The following ADAMTSL1 variants were observed in gnomAD, a reference collection of about 807,000 sequenced individuals.
ADAMTSL1 encodes ADAMTS like 1.
In ADAMTSL1, 126 loss-of-function variants were observed where a neutral mutation model predicts 201.8. That is an observed-to-expected ratio of 0.62 (90% CI 0.54 to 0.72). The LOEUF (loss-of-function observed/expected upper bound fraction) is 0.72. Ranked by LOEUF, ADAMTSL1 falls within the 30% of genes least tolerant of loss-of-function variation. ADAMTSL1 has a pLI of 0.00. For missense variants in ADAMTSL1, 2,679 were observed against 2,277.8 expected (o/e 1.18, Z -3.59); for synonymous variants, 1,121 against 903.4 (o/e 1.24, Z -4.32).
At chr9:17,958,628 T>C (rs1381968277) in intron 1 of ADAMTSL1, among the ~76,000 whole-genome samples, 3 of 152,206 alleles carry the variant, frequency 2.0e-5, no homozygotes, top group African/African-American at 7.2e-5. Flanking sequence ...TGGCATGGTG[T>C]GCTTTGTGTA....
chr9:18,607,290 G>A (rs1253738429), intron 4 of ADAMTSL1, among the ~76,000 whole-genome samples: 2 of 152,100 alleles, frequency 1.3e-5, no homozygotes, highest in Admixed American at 6.6e-5. Flanking sequence ...AAAACAGCCC[G>A]AAGTCTAGGT....
In ADAMTSL1 at chr9:18,775,872, C is replaced by G; in HGVS notation, c.2527C>G (p.Pro843Ala). ...PPLPFSSSIR[P>A]CMLATCARPG... ...CCTGCCTTTCTCTTCCTCCATCAGG[C>G]CCTGTATGCTGGCAACCTGTGCAAG... is the stretch of plus-strand genomic sequence containing the variant. The change falls in exon 18 of 29, where the codon CCC becomes GCC. Residue 843 changes from proline (P) to alanine (A), a missense_variant. Physicochemically the swap from Pro to Ala is conservative, Grantham distance 27 (BLOSUM62 -1). Transcript: ENST00000380548. The G allele has an allele frequency of 1.3e-6, 2 of 1,600,004 alleles. No homozygotes were observed. Among genetic ancestry groups the G allele is most frequent in the Non-Finnish European group, 1.7e-6 (2 of 1,172,808 alleles).
chr9:18,255,960 A>T (rs986144312), intron 2 of ADAMTSL1, among the ~76,000 whole-genome samples: 5 of 152,196 alleles, frequency 3.3e-5, no homozygotes, highest in South Asian at 4.1e-4. Context: ...TTTCGCCCCC[A>T]TCAAAGAGCC....
At chr9:17,944,434 G>T (rs199856814) in intron 1 of ADAMTSL1, among the ~76,000 whole-genome samples, 7 of 151,634 alleles carry the variant, frequency 4.6e-5, no homozygotes, top group African/African-American at 1.5e-4. Context: ...AAGCTACCAA[G>T]GACTTTCTTC....
intron 7 of ADAMTSL1, among the ~76,000 whole-genome samples, chr9:18,655,225 A>G (rs1352527571): frequency 6.6e-6 from 1 of 152,228 alleles, no homozygotes; most frequent in African/African-American, 2.4e-5. Flanking sequence ...CTTGAATTTT[A>G]CATGGAATTA....
intron 26 of ADAMTSL1, among the ~76,000 whole-genome samples, chr9:18,903,262 A>G (rs1197276552): frequency 6.6e-6 from 1 of 152,224 alleles, no homozygotes; most frequent in African/African-American, 2.4e-5. Context: ...GGAAAATTCA[A>G]TCATGGTATG....
chr9:17,909,860 T>C lies in ADAMTSL1; in HGVS notation c.87+2938T>C, dbSNP rs144874266. 5.6e-4 allele frequency among the ~76,000 whole-genome samples: 38 copies of C among 67,470 alleles called. 11 individuals carry two copies. The highest frequency in any genetic ancestry group is 9.9e-4 in the African/African-American group (33 of 33,444). 44.3% of individuals were successfully genotyped at this position (67,470 alleles called of 152,430 possible). On this transcript the variant is annotated intron_variant, in intron 1 of 29. Transcript: ENST00000680146. The stretch of plus-strand genomic sequence containing the variant: ...GTGGGGGGACCGGGGAGGGATAGCA[T>C]TGGGAGATATACCTAATGCTAGATG...
chr9:18,609,773 G>A (rs1223198537), intron 4 of ADAMTSL1, among the ~76,000 whole-genome samples: 1 of 152,182 alleles, frequency 6.6e-6, no homozygotes, highest in Non-Finnish European at 1.5e-5. Flanking sequence ...TGAAATAGAA[G>A]ATTTGAAAAT....
intron 1 of ADAMTSL1, among the ~76,000 whole-genome samples, chr9:18,040,347 A>G (rs966119534): frequency 6.6e-6 from 1 of 152,186 alleles, no homozygotes; most frequent in African/African-American, 2.4e-5. Flanking sequence ...GATAAGGAGA[A>G]CTAATTGTTT....
chr9:18,504,307 GC>G (rs563767585), intron 1 of ADAMTSL1, among the ~76,000 whole-genome samples: 53 of 152,304 alleles, frequency 3.5e-4, no homozygotes, highest in African/African-American at 1.3e-3. Flanking sequence ...TCCGTGCATT[GC>G]TAAAGTTATT....
intron 9 of ADAMTSL1, 113 bp from the exon 10 acceptor site, chr9:18,675,744 T>C: frequency 1.1e-6 from 1 of 933,204 alleles, no homozygotes; most frequent in Non-Finnish European, 1.7e-6. Context: ...ATAGATACAA[T>C]TTATTAATGT....
rs757541556 is a variant in ADAMTSL1, at chr9:17,947,304, T to TACACAC, written c.87+40384_87+40389dup. On this transcript the variant is annotated intron_variant, in intron 1 of 29. Coordinates refer to the ADAMTSL1 transcript ENST00000680146. ...GAAAAATTGTAAGGCATTTACCTTATACACACATACACACACACACACACA... is the reference window on the plus strand; with the variant it reads ...GAAAAATTGTAAGGCATTTACCTTATACACACACACACATACACACACACACACACA... Among the ~76,000 whole-genome samples, 11 of 85,926 alleles carry TACACAC rather than the reference T, an allele frequency of 1.3e-4. No individual in the cohort carries two copies. The South Asian group carries it at 2.5e-3, about 20-fold the overall frequency. The allele number at this position is 85,926 out of a possible 152,430, so 56.4% of individuals were successfully genotyped here.
At chr9:18,839,422 C>G (rs112894868) in intron 23 of ADAMTSL1, among the ~76,000 whole-genome samples, 67,005 of 151,600 alleles carry the variant, frequency 0.44, 14,976 homozygotes, top group African/African-American at 0.47. Flanking sequence ...TTTTCTTAAT[C>G]CAGTCTATCG....
At chr9:18,552,361 T>G (rs900537013) in intron 3 of ADAMTSL1, among the ~76,000 whole-genome samples, 1 of 151,864 alleles carries the variant, frequency 6.6e-6, no homozygotes, top group African/African-American at 2.4e-5. Flanking sequence ...ATCTGTTCAT[T>G]AACTTCTAAA....
chr9:18,220,756 A>G (rs991238130), intron 2 of ADAMTSL1, among the ~76,000 whole-genome samples: 1 of 151,518 alleles, frequency 6.6e-6, no homozygotes, highest in African/African-American at 2.4e-5. Flanking sequence ...CATTTTACTT[A>G]TACTTTTTAA....
intron 26 of ADAMTSL1, among the ~76,000 whole-genome samples, chr9:18,899,109 C>T (rs1014549800): frequency 6.6e-6 from 1 of 152,150 alleles, no homozygotes; most frequent in African/African-American, 2.4e-5. Flanking sequence ...TCCCAGGATA[C>T]AAAATTAATG....
intron 2 of ADAMTSL1, among the ~76,000 whole-genome samples, chr9:18,388,260 C>T (rs80298883): frequency 0.12 from 17,912 of 151,404 alleles, 1,314 homozygotes; most frequent in South Asian, 0.29. Context: ...TCTATTTATA[C>T]TTAATTTTTT....
intron 1 of ADAMTSL1, among the ~76,000 whole-genome samples, chr9:17,916,624 G>A (rs1026865453): frequency 7.2e-5 from 11 of 152,186 alleles, no homozygotes; most frequent in Non-Finnish European, 1.0e-4. Context: ...GTCCACACAC[G>A]CGTAGGTCTA....
rs779534633 is a variant in ADAMTSL1, at chr9:18,908,427, G to A, written c.5183-15G>A. 6.7e-5 allele frequency: 104 copies of A among 1,549,876 alleles called. No homozygotes were observed. The highest frequency in any genetic ancestry group is 1.5e-4 in the East Asian group (6 of 40,988). ...CTTTTCTGTCTCCTCTCCCGACCCC[G>A]TCCTCCTTTCCCAGTGGAGTGCAGA... On this transcript the variant is annotated splice_polypyrimidine_tract_variant and intron_variant, in intron 28 of 28. Transcript: ENST00000380548.
Sources: gnomAD v4.1 joint callset for allele counts (sites outside exome capture counted in the v4.1 genomes callset) on GRCh38, gnomAD v4.1.1 for gene constraint, MANE v1.5 for transcripts, NCBI Gene and HGNC (gene_info 2026-07-23, HGNC 2026-07-21) for gene names.